The following ADAM18 variants were observed in gnomAD, a reference collection of about 807,000 sequenced individuals.
The protein encoded by ADAM18 is ADAM metallopeptidase domain 18.
ADAM18 carries 117 observed loss-of-function variants against 94.4 expected under a neutral mutation model. The ratio of observed to expected loss-of-function variants is 1.24; its 90% CI spans 1.07 to 1.45. The LOEUF (loss-of-function observed/expected upper bound fraction) is 1.45. Ranked by LOEUF, ADAM18 falls within the 40% of genes most tolerant of loss-of-function variation. ADAM18 has a pLI of 0.00. For missense variants in ADAM18, 936 were observed against 880.0 expected (o/e 1.06, Z -0.81); for synonymous variants, 327 against 291.6 (o/e 1.12, Z -1.24).
At chr8:39,640,065 C>T (rs774692810) in intron 10 of ADAM18, among the ~76,000 whole-genome samples, 1 of 151,988 alleles carries the variant, frequency 6.6e-6, no homozygotes, top group Non-Finnish European at 1.5e-5. Flanking sequence ...ACAGGATGTG[C>T]AGGTTTGTTA....
intron 12 of ADAM18, among the ~76,000 whole-genome samples, chr8:39,656,858 GA>G (rs1472691473): frequency 6.6e-6 from 1 of 152,112 alleles, no homozygotes; most frequent in Non-Finnish European, 1.5e-5. Flanking sequence ...AGCATAATTT[GA>G]AAACAACAAA....
At chr8:39,644,238 A>C (rs1244301612) in intron 10 of ADAM18, among the ~76,000 whole-genome samples, 1 of 152,094 alleles carries the variant, frequency 6.6e-6, no homozygotes, top group East Asian at 1.9e-4. Flanking sequence ...AAACACTTTG[A>C]GTCCACACTG....
intron 16 of ADAM18, among the ~76,000 whole-genome samples, chr8:39,689,574 C>G (rs566933108): frequency 6.6e-6 from 1 of 152,270 alleles, no homozygotes; most frequent in South Asian, 2.1e-4. Flanking sequence ...TGAATCAGTA[C>G]CATGCTGTTT....
chr8:39,705,245 T>G (rs1563314237), intron 17 of ADAM18, among the ~76,000 whole-genome samples: 1 of 152,150 alleles, frequency 6.6e-6, no homozygotes, highest in Non-Finnish European at 1.5e-5. Context: ...TTGTTTTTCT[T>G]TTTTCTCTTT....
At chr8:39,634,814 T>C (rs892498739) in intron 7 of ADAM18, among the ~76,000 whole-genome samples, 2 of 152,174 alleles carry the variant, frequency 1.3e-5, no homozygotes, top group African/African-American at 4.8e-5. Flanking sequence ...ATTTTGAAAT[T>C]AGATTTTAAA....
rs1273018603 is a variant in ADAM18, at chr8:39,637,322, G to A, written c.647G>A (p.Gly216Glu). 6.2e-6 allele frequency: 10 copies of A among 1,604,712 alleles called. No individual in the cohort carries two copies. Among genetic ancestry groups the A allele is most frequent in the East Asian group, 2.2e-5 (1 of 44,646 alleles). Residue 216 changes from glycine (G) to glutamate (E), a missense_variant, in exon 8 of 20, where the codon GGG becomes GAG. By Grantham distance (98) the Gly-to-Glu change is moderately conservative. Coordinates refer to ENST00000265707, the MANE Select transcript of ADAM18 (RefSeq NM_014237.3). ...ACACAAAAAATTGTCCAGGTTATTGGGCTTGTCAACACTGTAAGTTTTTAC... is the reference window on the plus strand; with the variant it reads ...ACACAAAAAATTGTCCAGGTTATTGAGCTTGTCAACACTGTAAGTTTTTAC... Reference protein sequence around the residue: ...AVTQKIVQVIGLVNTMFTQFK... With the variant: ...AVTQKIVQVIELVNTMFTQFK...
chr8:39,607,811 TG>T (rs1819136917), intron 3 of ADAM18, among the ~76,000 whole-genome samples: 1 of 138,268 alleles, frequency 7.2e-6, no homozygotes, highest in East Asian at 2.0e-4. Flanking sequence ...TTCTGCATTC[TG>T]GTTTTTTTTT....
At chr8:39,724,756 A>G (rs745855920) in intron 19 of ADAM18, among the ~76,000 whole-genome samples, 7 of 151,918 alleles carry the variant, frequency 4.6e-5, no homozygotes, top group Admixed American at 1.3e-4. Context: ...ATATATTTTC[A>G]TTTCCATTCA....
intron 2 of ADAM18, among the ~76,000 whole-genome samples, chr8:39,590,825 A>G (rs1818550988): frequency 6.6e-6 from 1 of 152,190 alleles, no homozygotes; most frequent in African/African-American, 2.4e-5. Flanking sequence ...AGAGCAAGTC[A>G]CAAACTCTCT....
intron 15 of ADAM18, among the ~76,000 whole-genome samples, chr8:39,678,975 GATAC>G (rs1821365329): frequency 6.6e-6 from 1 of 152,118 alleles, no homozygotes. Flanking sequence ...AGACTGGAAG[GATAC>G]ATACATACCA....
At chr8:39,645,543 T>C (rs1008154305) in intron 11 of ADAM18, 69 bp downstream of exon 11, 3 of 1,466,318 alleles carry the variant, frequency 2.0e-6, no homozygotes, top group Non-Finnish European at 2.8e-6. Flanking sequence ...GATAATGTTT[T>C]TAAACTTTTA....
At chr8:39,688,106 A>G (rs1821658340) in intron 16 of ADAM18, among the ~76,000 whole-genome samples, 1 of 152,100 alleles carries the variant, frequency 6.6e-6, no homozygotes, top group Admixed American at 6.5e-5. Flanking sequence ...AAATGTTGCC[A>G]TTTCTCTGCA....
At chr8:39,638,657 A>G (rs914657016) in intron 10 of ADAM18, 111 bp downstream of exon 10, 1 of 505,768 alleles carries the variant, frequency 2.0e-6, no homozygotes, top group Non-Finnish European at 3.3e-6. Context: ...CTTTTTCTGT[A>G]TATGTATATT....
At chr8:39,649,042 C>T (rs959327888) in intron 12 of ADAM18, among the ~76,000 whole-genome samples, 6 of 152,008 alleles carry the variant, frequency 3.9e-5, no homozygotes, top group African/African-American at 1.4e-4. Flanking sequence ...TTTCATCAAT[C>T]AAATGTTCAA....
chr8:39,725,054 CCA>C (rs1440075728), intron 19 of ADAM18, among the ~76,000 whole-genome samples: 1 of 151,652 alleles, frequency 6.6e-6, no homozygotes, highest in Non-Finnish European at 1.5e-5. Context: ...TTGTGAATAC[CCA>C]CTGCGTGGTG....
intron 15 of ADAM18, among the ~76,000 whole-genome samples, chr8:39,679,209 T>C (rs184045016): frequency 4.6e-4 from 70 of 152,294 alleles, no homozygotes; most frequent in African/African-American, 1.5e-3. Flanking sequence ...GACAAATGGG[T>C]AAAATTCCCT....
intron 7 of ADAM18, among the ~76,000 whole-genome samples, chr8:39,632,442 T>G (rs1353170257): frequency 6.6e-6 from 1 of 152,062 alleles, no homozygotes; most frequent in African/African-American, 2.4e-5. Flanking sequence ...TTCATCAAAT[T>G]TTTTTTCTGC....
intron 6 of ADAM18, among the ~76,000 whole-genome samples, chr8:39,624,187 A>G (rs964736569): frequency 1.3e-5 from 2 of 151,894 alleles, no homozygotes; most frequent in African/African-American, 4.8e-5. Context: ...TCTTTGTTGC[A>G]TTTGCTTTTG....
At chr8:39,634,229 G>A (rs978409158) in intron 7 of ADAM18, among the ~76,000 whole-genome samples, 1 of 152,144 alleles carries the variant, frequency 6.6e-6, no homozygotes, top group Non-Finnish European at 1.5e-5. Flanking sequence ...AACCTTGGCT[G>A]TGTCCACCTG....
Sources: allele counts gnomAD v4.1 joint callset (sites outside exome capture counted in the v4.1 genomes callset), GRCh38; gene constraint gnomAD v4.1.1; transcripts MANE v1.5; gene names NCBI Gene and HGNC (gene_info 2026-07-23, HGNC 2026-07-21).